ZMYM1: variants seen among roughly 807,000 people sequenced by gnomAD.
The protein encoded by ZMYM1 is zinc finger MYM-type containing 1.
ZMYM1 carries 39 observed loss-of-function variants against 60.0 expected under a neutral mutation model. That is an observed-to-expected ratio of 0.65 (90% CI 0.50 to 0.85). ZMYM1 has a LOEUF of 0.85. Among genes scored for constraint, ZMYM1 ranks in the 40% least tolerant of loss-of-function variants. The pLI, the probability that ZMYM1 is intolerant of heterozygous loss-of-function variation, is 0.00. For synonymous variants in ZMYM1, 413 were observed against 454.0 expected, an observed-to-expected ratio of 0.91 and a Z score of 1.15; for missense variants, 1,171 against 1,309.5, an observed-to-expected ratio of 0.89 and a Z score of 1.63.
At chr1:35,107,901 G>T (rs1293631399) in intron 6 of ZMYM1, among the ~76,000 whole-genome samples, 4 of 152,096 alleles carry the variant, frequency 2.6e-5, no homozygotes, top group African/African-American at 9.7e-5. Flanking sequence ...TTGAGGTCAG[G>T]AGTTCAAGAC....
chr1:35,107,100 C>T (rs1643916321), intron 6 of ZMYM1, among the ~76,000 whole-genome samples: 1 of 150,762 alleles, frequency 6.6e-6, no homozygotes, highest in Non-Finnish European at 1.5e-5. Flanking sequence ...ATCCGCCCGC[C>T]TCGGCCTCCC....
chr1:35,068,144 T>G (rs2148476899), intron 1 of ZMYM1, among the ~76,000 whole-genome samples: 1 of 151,766 alleles, frequency 6.6e-6, no homozygotes, highest in Middle Eastern at 3.4e-3. Flanking sequence ...GTTGGCCAGG[T>G]GCAGTGGCTC....
At chr1:35,075,455 A>C (rs1260885950), upstream of ZMYM1, among the ~76,000 whole-genome samples, 1 of 151,440 alleles carries the variant, frequency 6.6e-6, no homozygotes, top group African/African-American at 2.4e-5. Context: ...CCTTACTTCC[A>C]CTCACATAAA....
chr1:35,077,923 C>T (rs566824567), upstream of ZMYM1, among the ~76,000 whole-genome samples: 2 of 152,302 alleles, frequency 1.3e-5, no homozygotes, highest in African/African-American at 4.8e-5. Flanking sequence ...GGTGAACCCA[C>T]GGGGCATTTA....
At chr1:35,082,010 G>A (rs1642412616) in intron 1 of ZMYM1, among the ~76,000 whole-genome samples, 2 of 152,156 alleles carry the variant, frequency 1.3e-5, no homozygotes, top group South Asian at 4.1e-4. Context: ...ATTTTCGAAT[G>A]TCTTGCTAAG....
intron 1 of ZMYM1, among the ~76,000 whole-genome samples, chr1:35,082,001 T>A (rs912652953): frequency 4.6e-5 from 7 of 152,170 alleles, no homozygotes; most frequent in African/African-American, 1.7e-4. Flanking sequence ...CCAAAATTTA[T>A]TTTCGAATGT....
At chr1:35,085,246 AC>A (rs1449550234) in intron 1 of ZMYM1, among the ~76,000 whole-genome samples, 1 of 151,872 alleles carries the variant, frequency 6.6e-6, no homozygotes, top group Non-Finnish European at 1.5e-5. Context: ...ACAGGGTTTC[AC>A]CGTGTTAGCC....
intron 1 of ZMYM1, among the ~76,000 whole-genome samples, chr1:35,088,454 A>ATATATATATATATATGTGTGTG (rs1464546786): frequency 9.3e-6 from 1 of 107,250 alleles, no homozygotes; most frequent in East Asian, 3.6e-4. Flanking sequence ...ATATATATAT[A>ATATATATATATATATGTGTGTG]TGTGTGTGTG....
rs781181860 is a variant in ZMYM1 at position 35,114,679 on chromosome 1, C to T, written c.2849C>T (p.Ser950Leu). 5.0e-6 allele frequency: 8 copies of T among 1,588,772 alleles called. No homozygotes were observed. In the East Asian group the frequency reaches 1.8e-4, roughly 36 times the overall value. Reference protein sequence around the residue: ...KIQKSVDLGNSDNMFFPTSTE... With the variant: ...KIQKSVDLGNLDNMFFPTSTE... Reference sequence around the variant, plus strand: ...CAGAAATCAGTAGATCTTGGCAATTCAGATAATATGTTTTTTCCTACTTCA... The same window carrying T: ...CAGAAATCAGTAGATCTTGGCAATTTAGATAATATGTTTTTTCCTACTTCA... Residue 950 changes from serine (S) to leucine (L), a missense_variant, in exon 10 of 10, where the codon TCA becomes TTA. Ser to Leu is a moderately radical substitution (Grantham distance 145). Transcript: ENST00000359858.
At chr1:35,085,336 C>T (rs996354704) in intron 1 of ZMYM1, among the ~76,000 whole-genome samples, 4 of 152,268 alleles carry the variant, frequency 2.6e-5, no homozygotes, top group African/African-American at 7.2e-5. Context: ...CGTGAGCCAC[C>T]GCGCCCGGCC....
chr1:35,097,246 G>T (rs1347902393), intron 3 of ZMYM1, 71 bp from the exon 4 acceptor site: 9 of 1,495,708 alleles, frequency 6.0e-6, no homozygotes, highest in Middle Eastern at 3.6e-4. Context: ...AAGAAAGAAA[G>T]AAAATAAAGG....
chr1:35,080,098 C>CA (rs56835808), intron 1 of ZMYM1, among the ~76,000 whole-genome samples: 15,257 of 149,378 alleles, frequency 0.1, 2,500 homozygotes, highest in African/African-American at 0.35. Flanking sequence ...GACCCCGTCT[C>CA]AAAAAAAAAA....
chr1:35,101,961 T>C (rs114622587), intron 4 of ZMYM1, among the ~76,000 whole-genome samples: 2,465 of 152,280 alleles, frequency 0.016, 77 homozygotes, highest in African/African-American at 0.056. Flanking sequence ...TTATGAATAT[T>C]AACTGTATCA....
At chr1:35,093,106 TGG>T (rs1643121266) in intron 1 of ZMYM1, 1 of 152,000 alleles carries the variant, frequency 6.6e-6, no homozygotes, top group African/African-American at 2.4e-5. Flanking sequence ...ATTTCAAGAA[TGG>T]GGAAAGGGGT....
intron 1 of ZMYM1, among the ~76,000 whole-genome samples, chr1:35,060,311 C>G (rs980275240): frequency 6.6e-6 from 1 of 151,950 alleles, no homozygotes; most frequent in Non-Finnish European, 1.5e-5. Context: ...TAGGCATGCA[C>G]CACCATGCCC....
chr1:35,074,610 T>C (rs2148480559), upstream of ZMYM1, among the ~76,000 whole-genome samples: 2 of 152,102 alleles, frequency 1.3e-5, no homozygotes, highest in South Asian at 4.2e-4. Flanking sequence ...GGTTTCACCA[T>C]ATTGGCCAGG....
chr1:35,070,414 A>G (rs1193339512), intron 1 of ZMYM1, among the ~76,000 whole-genome samples: 4 of 152,058 alleles, frequency 2.6e-5, no homozygotes, highest in Non-Finnish European at 4.4e-5. Context: ...AACACTGCTG[A>G]TTTTTCTATG....
At chr1:35,101,109 C>CTT (rs34048407) in intron 4 of ZMYM1, among the ~76,000 whole-genome samples, 3,992 of 128,946 alleles carry the variant, frequency 0.031, 186 homozygotes, top group African/African-American at 0.092. Flanking sequence ...AGCCAACATT[C>CTT]TTTTTTTTTT....
chr1:35,096,571 T>C (rs1279280564), intron 3 of ZMYM1, among the ~76,000 whole-genome samples: 3 of 151,098 alleles, frequency 2.0e-5, no homozygotes, highest in Non-Finnish European at 4.4e-5. Flanking sequence ...TCCGCTCTTG[T>C]TGCCCAGGCT....
Sources: allele counts gnomAD v4.1 joint callset (sites outside exome capture counted in the v4.1 genomes callset), GRCh38; gene constraint gnomAD v4.1.1; transcripts MANE v1.5; gene names NCBI Gene and HGNC (gene_info 2026-07-23, HGNC 2026-07-21).